Variants in UBA3 observed in about 807,000 individuals in gnomAD.
UBA3 encodes ubiquitin like modifier activating enzyme 3, also known as NEDD8-activating enzyme E1 catalytic subunit.
Under a neutral mutation model 73.5 loss-of-function variants are expected in UBA3, and 26 were observed. The observed-to-expected ratio is 0.35, with a 90% CI of 0.26 to 0.49. The LOEUF (loss-of-function observed/expected upper bound fraction) is 0.49, where lower values mean the gene tolerates loss of function less well. Ranked by LOEUF, UBA3 falls within the 20% of genes least tolerant of loss-of-function variation. The probability of loss-of-function intolerance (pLI) is 0.98; values close to 1 mark genes in which losing one functional copy is unlikely to be tolerated. For synonymous variants in UBA3, 217 were observed against 191.2 expected (o/e 1.13, Z -1.11); for missense variants, 495 against 555.6 (o/e 0.89, Z 1.10).
chr3:69,058,609 G>A (rs1176885702), intron 11 of UBA3, among the ~76,000 whole-genome samples: 1 of 152,206 alleles, frequency 6.6e-6, no homozygotes, highest in East Asian at 1.9e-4. Context: ...ACCACATGTA[G>A]CAGGATGTAC....
At chr3:69,064,635 A>T (rs2092052555) in intron 6 of UBA3, among the ~76,000 whole-genome samples, 1 of 152,024 alleles carries the variant, frequency 6.6e-6, no homozygotes, top group Admixed American at 6.5e-5. Context: ...AAAAGTACGA[A>T]TTTTTTCTAC....
At chr3:69,062,424 A>T (rs1444803599) in intron 9 of UBA3, among the ~76,000 whole-genome samples, 9 of 152,244 alleles carry the variant, frequency 5.9e-5, no homozygotes, top group Admixed American at 4.6e-4. Context: ...TTGTTAGACT[A>T]TGAGAAGAAA....
intron 5 of UBA3, among the ~76,000 whole-genome samples, chr3:69,070,459 G>A (rs913808174): frequency 6.6e-6 from 1 of 151,914 alleles, no homozygotes; most frequent in African/African-American, 2.4e-5. Flanking sequence ...AACAATTTGA[G>A]CACTGTCAGT....
chr3:69,056,484 A>G (rs1231600239), intron 14 of UBA3, 128 bp downstream of exon 14: 1 of 895,196 alleles, frequency 1.1e-6, no homozygotes, highest in African/African-American at 1.7e-5. Flanking sequence ...GCTATAAAGC[A>G]AAAGATATAT....
At position 69,062,294 on chromosome 3, in the gene UBA3, T is replaced by C. The variant is rs1304552317; in HGVS notation, c.694-115A>G. 6 of 702,388 alleles carry C rather than the reference T, an allele frequency of 8.5e-6. No individual in the cohort carries two copies. In the East Asian group the frequency reaches 1.1e-4, roughly 12 times the overall value. 43.5% of individuals were successfully genotyped at this position (702,388 alleles called of 1,614,324 possible). A position where few individuals can be genotyped will look rare whatever the true frequency, so the allele number is the denominator to read the frequency against. On this transcript the variant is annotated intron_variant, in intron 9 of 17. Coordinates refer to ENST00000361055, the MANE Select transcript of UBA3 (RefSeq NM_003968.4). ...ATACAATTTGTTTCAACTCAAAATA[T>C]TGTATACCATTAAAAATGCCTCTCA...
In UBA3 at chr3:69,080,092, G is replaced by T. The variant is rs1243485255; in HGVS notation, c.62+20C>A. ...GGCGGGGGTCCCCGGAGAGGGCCCC[G>T]GCCTCCCGGCAGCACTAACTTCTCA... is the stretch of plus-strand genomic sequence containing the variant. On this transcript the variant is annotated intron_variant, in intron 2 of 17. Coordinates refer to ENST00000361055, the MANE Select transcript of UBA3 (RefSeq NM_003968.4). 1.2e-6 allele frequency: 2 copies of T among 1,605,960 alleles called. No homozygotes were observed. The highest frequency in any genetic ancestry group is 2.7e-5 in the African/African-American group (2 of 74,200).
At chr3:69,071,436 C>A (rs1010172171) in intron 5 of UBA3, 99 bp downstream of exon 5, 2 of 655,166 alleles carry the variant, frequency 3.1e-6, no homozygotes, top group Non-Finnish European at 5.1e-6. Flanking sequence ...TTAGTATTAT[C>A]CTCTCAAGTC....
At position 69,055,275 on chromosome 3, in the gene UBA3, T is replaced by C. The variant is rs1332862705; in HGVS notation, c.*162A>G. On this transcript the variant is annotated 3_prime_UTR_variant, in exon 18 of 18. Transcript: ENST00000361055. ...ATGCTTACAAGCACCAACACCAAAATTCTGTCTTCAAGGGAAGGTTACAAA... is the reference window on the plus strand; with the variant it reads ...ATGCTTACAAGCACCAACACCAAAACTCTGTCTTCAAGGGAAGGTTACAAA... 2.3e-6 allele frequency: 1 copy of C among 443,398 alleles called. No homozygotes were observed. Among genetic ancestry groups the C allele is most frequent in the African/African-American group, 2.1e-5 (1 of 48,566 alleles). 27.5% of individuals were successfully genotyped at this position (443,398 alleles called of 1,614,324 possible).
intron 3 of UBA3, among the ~76,000 whole-genome samples, chr3:69,077,086 T>C (rs1205510805): frequency 6.6e-6 from 1 of 151,626 alleles, no homozygotes; most frequent in Non-Finnish European, 1.5e-5. Context: ...AAAGACAGAA[T>C]TAATACTTTC....
intron 4 of UBA3, among the ~76,000 whole-genome samples, chr3:69,073,480 C>T (rs149603226): frequency 1.4e-4 from 22 of 152,298 alleles, no homozygotes; most frequent in African/African-American, 4.6e-4. Flanking sequence ...ATTTGACATA[C>T]TATATACTTA....
chr3:69,080,094 C>A lies in UBA3; in HGVS notation c.62+18G>T. The A allele has an allele frequency of 6.2e-7, 1 of 1,607,026 alleles. No individual in the cohort carries two copies. Among genetic ancestry groups the A allele is most frequent in the Admixed American group, 1.7e-5 (1 of 59,714 alleles). ...CGGGGGTCCCCGGAGAGGGCCCCGG[C>A]CTCCCGGCAGCACTAACTTCTCAGC... is the stretch of plus-strand genomic sequence containing the variant. On this transcript the variant is annotated intron_variant, in intron 2 of 17. Transcript: ENST00000361055.
chr3:69,080,234 G>T lies in UBA3; in HGVS notation c.21-81C>A, dbSNP rs968956833. The stretch of plus-strand genomic sequence containing the variant: ...GGGGAGGGGGGCGAGGGGACGGGGC[G>T]GGGGGTGTGGGGACCCCGGGTGGCG... On this transcript the variant is annotated intron_variant, in intron 1 of 17. Transcript: ENST00000361055. 36 of 1,513,924 alleles carry T rather than the reference G, an allele frequency of 2.4e-5. No individual in the cohort carries two copies. The Admixed American group carries it at 5.6e-4, about 24-fold the overall frequency. 93.8% of individuals were successfully genotyped at this position (1,513,924 alleles called of 1,614,324 possible). A position where few individuals can be genotyped will look rare whatever the true frequency, so the allele number is the denominator to read the frequency against.
At chr3:69,076,724 T>C (rs1163835175) in intron 3 of UBA3, among the ~76,000 whole-genome samples, 3 of 151,720 alleles carry the variant, frequency 2.0e-5, no homozygotes, top group Admixed American at 1.3e-4. Flanking sequence ...ACATGTATCA[T>C]CATGCACAGC....
intron 5 of UBA3, among the ~76,000 whole-genome samples, chr3:69,070,058 T>C (rs1246496662): frequency 6.6e-6 from 1 of 152,204 alleles, no homozygotes; most frequent in Non-Finnish European, 1.5e-5. Flanking sequence ...AATGGAATAA[T>C]ATGGATAGTT....
In UBA3 at chr3:69,067,934, A is replaced by G; in HGVS notation, c.422T>C (p.Val141Ala). The change falls in exon 6 of 18, where the codon GTA becomes GCA. Residue 141 changes from valine to alanine, a missense_variant. Coordinates refer to ENST00000361055, the MANE Select transcript of UBA3 (RefSeq NM_003968.4). ...CTTTTTGTCAAAAGGATACGGAACT[A>G]CATTGCAATTAGGAACTCTGTCATT... ...FLNDRVPNCN[V>A]VPHFNKIQDF... 3.1e-6 allele frequency: 5 copies of G among 1,604,776 alleles called. No individual in the cohort carries two copies. The highest frequency in any genetic ancestry group is 4.3e-6 in the Non-Finnish European group (5 of 1,174,050).
chr3:69,072,382 T>C (rs1038054852), intron 4 of UBA3, among the ~76,000 whole-genome samples: 13 of 152,218 alleles, frequency 8.5e-5, no homozygotes, highest in Non-Finnish European at 1.8e-4. Flanking sequence ...TCAAGACTTA[T>C]CCATATTTGT....
intron 6 of UBA3, among the ~76,000 whole-genome samples, chr3:69,064,551 T>A (rs1320936453): frequency 1.3e-5 from 2 of 152,232 alleles, no homozygotes; most frequent in African/African-American, 4.8e-5. Flanking sequence ...CTCATTTTTT[T>A]AACATACAGA....
At chr3:69,075,075 T>C (rs2092153807) in intron 4 of UBA3, 1 of 154,138 alleles carries the variant, frequency 6.5e-6, no homozygotes, top group Admixed American at 6.5e-5. Context: ...AAAGAAATAA[T>C]AAATTATTTG....
At chr3:69,064,001 T>C in intron 7 of UBA3, 67 bp downstream of exon 7, 1 of 1,355,088 alleles carries the variant, frequency 7.4e-7, no homozygotes, top group South Asian at 1.3e-5. Context: ...GCTAGCAATA[T>C]TTGAATAGCT....
Sources: allele counts gnomAD v4.1 joint callset (sites outside exome capture counted in the v4.1 genomes callset), GRCh38; gene constraint gnomAD v4.1.1; transcripts MANE v1.5; gene names NCBI Gene and HGNC (gene_info 2026-07-23, HGNC 2026-07-21).